DUSP22: variants seen among roughly 807,000 people sequenced by gnomAD.
DUSP22 encodes the protein dual specificity protein phosphatase 22.
In DUSP22, 24 loss-of-function variants were observed where a neutral mutation model predicts 24.5. The ratio of observed to expected loss-of-function variants is 0.98; its 90% CI spans 0.71 to 1.38. DUSP22 has a LOEUF of 1.38. Ranked by LOEUF, DUSP22 falls within the 40% of genes most tolerant of loss-of-function variation. The pLI, the probability that DUSP22 is intolerant of heterozygous loss-of-function variation, is 0.00. For synonymous variants in DUSP22, 160 were observed against 106.4 expected (o/e 1.50, Z -3.10); for missense variants, 330 against 269.2 (o/e 1.23, Z -1.58).
intron 6 of DUSP22, 189 bp from the exon 7 acceptor site, chr6:348,580 C>G: frequency 3.8e-6 from 4 of 1,047,108 alleles, no homozygotes; most frequent in Non-Finnish European, 5.5e-6. Flanking sequence ...TAGGCCAGCA[C>G]CTTGAAGGAG....
chr6:303,776 C>T (rs1388827727), intron 1 of DUSP22, among the ~76,000 whole-genome samples: 5 of 152,312 alleles, frequency 3.3e-5, no homozygotes, highest in Non-Finnish European at 7.3e-5. Context: ...CTTCCTACTT[C>T]GCAAATTGTG....
intron 2 of DUSP22, 111 bp from the exon 3 acceptor site, chr6:311,769 G>A (rs1758111859): frequency 1.7e-6 from 2 of 1,209,492 alleles, no homozygotes; most frequent in South Asian, 1.6e-5. Context: ...TGAAGTTTCA[G>A]GAAAGAAATA....
At chr6:339,533 CAAGT>C (rs1365325892) in intron 4 of DUSP22, among the ~76,000 whole-genome samples, 4 of 152,304 alleles carry the variant, frequency 2.6e-5, no homozygotes, top group Non-Finnish European at 5.9e-5. Flanking sequence ...CATCATGAAG[CAAGT>C]AATTACAGAT....
chr6:343,169 A>G (rs1311606238), intron 4 of DUSP22, among the ~76,000 whole-genome samples: 2 of 152,308 alleles, frequency 1.3e-5, no homozygotes, highest in Non-Finnish European at 2.9e-5. Context: ...AAGCCACCTT[A>G]TTACATCTGG....
At chr6:325,074 T>A (rs1315665617) in intron 3 of DUSP22, 2 of 192,656 alleles carry the variant, frequency 1.0e-5, no homozygotes, top group Non-Finnish European at 2.1e-5. Context: ...GAGAGTCATC[T>A]GCCCTGGGCT....
intron 3 of DUSP22, among the ~76,000 whole-genome samples, chr6:332,642 T>TCC (rs1759189517): frequency 4.1e-5 from 3 of 74,014 alleles, no homozygotes; most frequent in East Asian, 7.6e-4. Context: ...CTTCCTGTCC[T>TCC]TCTTTTTTTT....
chr6:296,582 T>C (rs1757339054), intron 1 of DUSP22, among the ~76,000 whole-genome samples: 1 of 152,306 alleles, frequency 6.6e-6, no homozygotes, highest in Admixed American at 6.5e-5. Flanking sequence ...GACTCAAAGT[T>C]CTCTCGAGTC....
intron 2 of DUSP22, among the ~76,000 whole-genome samples, chr6:309,959 G>GGTTTT (rs1336429497): frequency 1.3e-5 from 2 of 152,266 alleles, no homozygotes; most frequent in Admixed American, 6.5e-5. Flanking sequence ...GTTGTTGTTT[G>GGTTTT]GTTTTGTTTT....
At chr6:345,801 T>G in intron 4 of DUSP22, 53 bp from the exon 5 acceptor site, 1 of 1,596,140 alleles carries the variant, frequency 6.3e-7, no homozygotes, top group Admixed American at 1.7e-5. Flanking sequence ...TTTCTTTTCA[T>G]CATATATTGA....
intron 2 of DUSP22, among the ~76,000 whole-genome samples, chr6:305,690 G>T (rs1339489596): frequency 1.3e-5 from 2 of 152,302 alleles, no homozygotes; most frequent in African/African-American, 2.4e-5. Flanking sequence ...CAGAGTTTGT[G>T]TAAGTGAATC....
In DUSP22 at chr6:349,089, G is replaced by A. The variant is rs1760039716; in HGVS notation, c.*138G>A. 2.0e-6 allele frequency: 3 copies of A among 1,467,442 alleles called. No individual in the cohort carries two copies. Among genetic ancestry groups the A allele is most frequent in the Admixed American group, 2.3e-5 (1 of 43,038 alleles). 90.9% of individuals were successfully genotyped at this position (1,467,442 alleles called of 1,614,324 possible). On this transcript the variant is annotated 3_prime_UTR_variant, in exon 7 of 7. Coordinates refer to ENST00000419235, the MANE Select transcript of DUSP22 (RefSeq NM_001286555.3). ...GTGGGGCGAGGGCTCCTTCCCCCAAGCAACACCGCCCAGCCCTGCTCCAGG... is the reference window on the plus strand; with the variant it reads ...GTGGGGCGAGGGCTCCTTCCCCCAAACAACACCGCCCAGCCCTGCTCCAGG...
intron 4 of DUSP22, among the ~76,000 whole-genome samples, chr6:344,900 G>A (rs536388678): frequency 3.1e-4 from 48 of 152,408 alleles, no homozygotes; most frequent in South Asian, 1.7e-3. Flanking sequence ...CCTCACCTGC[G>A]TCACGGTGGC....
intron 3 of DUSP22, chr6:325,239 T>A (rs1213574645): frequency 4.1e-6 from 1 of 246,016 alleles, no homozygotes; most frequent in Non-Finnish European, 7.7e-6. Flanking sequence ...CAGTGCTATA[T>A]CTGCTGGTGC....
At chr6:323,004 T>C (rs1209701410) in intron 3 of DUSP22, among the ~76,000 whole-genome samples, 1 of 152,302 alleles carries the variant, frequency 6.6e-6, no homozygotes, top group Non-Finnish European at 1.5e-5. Flanking sequence ...AAATCTGCTG[T>C]TTTCAGGTGC....
At chr6:340,307 C>G (rs912911206) in intron 4 of DUSP22, among the ~76,000 whole-genome samples, 4 of 152,308 alleles carry the variant, frequency 2.6e-5, no homozygotes, top group Non-Finnish European at 2.9e-5. Context: ...TCCACCATGT[C>G]TGTCTGATGA....
At chr6:330,345 C>G (rs1240122126) in intron 3 of DUSP22, among the ~76,000 whole-genome samples, 1 of 152,300 alleles carries the variant, frequency 6.6e-6, no homozygotes, top group Non-Finnish European at 1.5e-5. Flanking sequence ...TTTCTGTTGG[C>G]TTTGAGAGGA....
chr6:292,576 G>A lies in DUSP22; in HGVS notation c.21+16G>A. 1.9e-6 allele frequency: 3 copies of A among 1,594,546 alleles called. No homozygotes were observed. Among genetic ancestry groups the A allele is most frequent in the East Asian group, 2.4e-5 (1 of 42,434 alleles). ...GATGAACAAGGTAACGTCTTCCCTC[G>A]TTCGCGCTGGGTTTGCCTCCGCTCC... On this transcript the variant is annotated intron_variant, in intron 1 of 6. Coordinates refer to ENST00000419235, the MANE Select transcript of DUSP22 (RefSeq NM_001286555.3).
At chr6:343,736 C>T (rs1046511877) in intron 4 of DUSP22, among the ~76,000 whole-genome samples, 1 of 31,258 alleles carries the variant, frequency 3.2e-5, no homozygotes, top group East Asian at 7.1e-4. Context: ...TGCTGCTGTT[C>T]CCTGGCTGTC....
chr6:304,341 C>A (rs543242550), intron 1 of DUSP22, among the ~76,000 whole-genome samples: 37 of 152,404 alleles, frequency 2.4e-4, no homozygotes, highest in African/African-American at 8.4e-4. Context: ...GGTGGGCAGG[C>A]GGGGCAGGGG....
Sources: allele counts gnomAD v4.1 joint callset (sites outside exome capture counted in the v4.1 genomes callset), GRCh38; gene constraint gnomAD v4.1.1; transcripts MANE v1.5; gene names NCBI Gene and HGNC (gene_info 2026-07-23, HGNC 2026-07-21).